Variants in KCNB2 observed in about 807,000 individuals in gnomAD.
KCNB2 encodes the protein delayed rectifier potassium channel protein.
In KCNB2, 15 loss-of-function variants were observed where a neutral mutation model predicts 61.5. The ratio of observed to expected loss-of-function variants is 0.24; its 90% CI spans 0.16 to 0.38. KCNB2 has a LOEUF of 0.38. Ranked by LOEUF, KCNB2 falls within the 10% of genes least tolerant of loss-of-function variation. The probability of loss-of-function intolerance (pLI) is 1.00; values close to 1 mark genes in which losing one functional copy is unlikely to be tolerated. For synonymous variants in KCNB2, 457 were observed against 446.0 expected, an observed-to-expected ratio of 1.02 and a Z score of -0.31; for missense variants, 828 against 1,125.2, an observed-to-expected ratio of 0.74 and a Z score of 3.78.
intron 2 of KCNB2, among the ~76,000 whole-genome samples, chr8:72,605,319 A>C (rs1454867252): frequency 6.6e-6 from 1 of 152,114 alleles, no homozygotes; most frequent in African/African-American, 2.4e-5. Flanking sequence ...TCTGGGCTAC[A>C]CTGGGGGCTC....
rs141797234 is a variant in KCNB2, at chr8:72,741,418, C to A, written c.579+173105C>A. Among the ~76,000 whole-genome samples, 328 of 152,152 alleles carry A rather than the reference C, an allele frequency of 2.2e-3. 2 individuals are homozygous for A. Among genetic ancestry groups the A allele is most frequent in the African/African-American group, 7.3e-3 (305 of 41,518 alleles). On this transcript the variant is annotated intron_variant, in intron 2 of 2. Transcript: ENST00000523207. ...TCTTATCTGTGCATATATTTCTTTT[C>A]TTATTATTATTATTTCAATAGATTT...
intron 2 of KCNB2, among the ~76,000 whole-genome samples, chr8:72,820,494 T>C (rs998339771): frequency 3.3e-5 from 5 of 152,264 alleles, no homozygotes; most frequent in African/African-American, 1.2e-4. Flanking sequence ...GCAAAACAGA[T>C]AGATAATTTG....
intron 2 of KCNB2, among the ~76,000 whole-genome samples, chr8:72,931,694 G>A (rs530388989): frequency 6.6e-6 from 1 of 152,244 alleles, no homozygotes; most frequent in African/African-American, 2.4e-5. Flanking sequence ...CTGGAGGTCA[G>A]TTGTTGGAGG....
chr8:72,619,586 C>T (rs1805682917), intron 2 of KCNB2, among the ~76,000 whole-genome samples: 1 of 151,428 alleles, frequency 6.6e-6, no homozygotes, highest in Non-Finnish European at 1.5e-5. Context: ...TCCTGGGGCT[C>T]CATAGCTGCC....
At chr8:72,573,102 T>C (rs1806739613) in intron 2 of KCNB2, among the ~76,000 whole-genome samples, 1 of 152,134 alleles carries the variant, frequency 6.6e-6, no homozygotes, top group Admixed American at 6.5e-5. Flanking sequence ...TGATAACTCC[T>C]TGAGAACTAG....
chr8:72,903,821 C>A (rs1357049891), intron 2 of KCNB2, among the ~76,000 whole-genome samples: 1 of 151,922 alleles, frequency 6.6e-6, no homozygotes, highest in Non-Finnish European at 1.5e-5. Context: ...AGGTGGATTA[C>A]CTAGGTTTTA....
At chr8:72,897,365 G>GT (rs1365284945) in intron 2 of KCNB2, among the ~76,000 whole-genome samples, 4 of 152,142 alleles carry the variant, frequency 2.6e-5, no homozygotes, top group Non-Finnish European at 5.9e-5. Context: ...TAGCAGGATA[G>GT]TAGAGAATAT....
chr8:72,580,897 C>T (rs1393995043), intron 2 of KCNB2, among the ~76,000 whole-genome samples: 2 of 152,144 alleles, frequency 1.3e-5, no homozygotes, highest in Non-Finnish European at 2.9e-5. Context: ...ATATGTCTTT[C>T]TTGTGGGCCT....
At chr8:72,849,524 G>T (rs979857313) in intron 2 of KCNB2, among the ~76,000 whole-genome samples, 2 of 152,068 alleles carry the variant, frequency 1.3e-5, no homozygotes, top group Non-Finnish European at 2.9e-5. Flanking sequence ...CATATTGTAT[G>T]AATATAAAAC....
At chr8:72,834,400 G>A (rs1809746008) in intron 2 of KCNB2, among the ~76,000 whole-genome samples, 1 of 152,182 alleles carries the variant, frequency 6.6e-6, no homozygotes, top group Non-Finnish European at 1.5e-5. Flanking sequence ...GAAGCAGACA[G>A]GGCATGAACT....
At chr8:72,748,643 A>G (rs1310378001) in intron 2 of KCNB2, among the ~76,000 whole-genome samples, 2 of 148,620 alleles carry the variant, frequency 1.3e-5, no homozygotes, top group Non-Finnish European at 3.0e-5. Flanking sequence ...AAAGCCAAAA[A>G]CCATGGAGTT....
rs73686550 is a variant in KCNB2, at chr8:72,868,057, T to G, written c.580-67878T>G. Among the ~76,000 whole-genome samples, 277 of 57,516 alleles carry G rather than the reference T, an allele frequency of 4.8e-3. 3 individuals carry two copies. Among genetic ancestry groups the G allele is most frequent in the African/African-American group, 0.01 (265 of 26,488 alleles). 37.7% of individuals were successfully genotyped at this position (57,516 alleles called of 152,430 possible). A position where few individuals can be genotyped will look rare whatever the true frequency, so the allele number is the denominator to read the frequency against. Reference sequence around the variant, plus strand: ...CAAGCCAGTGGAGGTTGATTTTGGGTTTTTTTTTTTATTATTTATTTTTTT... The same window carrying G: ...CAAGCCAGTGGAGGTTGATTTTGGGGTTTTTTTTTTATTATTTATTTTTTT... On this transcript the variant is annotated intron_variant, in intron 2 of 2. Coordinates refer to ENST00000523207, the MANE Select transcript of KCNB2 (RefSeq NM_004770.3).
At chr8:72,776,721 C>T (rs73686512) in intron 2 of KCNB2, among the ~76,000 whole-genome samples, 4,642 of 152,222 alleles carry the variant, frequency 0.03, 164 homozygotes, top group African/African-American at 0.08. Context: ...ATGACACACA[C>T]GTTCGGAGAT....
intron 2 of KCNB2, among the ~76,000 whole-genome samples, chr8:72,590,362 T>C (rs1177736957): frequency 9.2e-5 from 14 of 152,192 alleles, no homozygotes; most frequent in Admixed American, 9.2e-4. Context: ...GCCTTTTTTT[T>C]TCTTTTTAGC....
intron 2 of KCNB2, among the ~76,000 whole-genome samples, chr8:72,710,516 T>C (rs112297101): frequency 0.014 from 2,167 of 152,076 alleles, 41 homozygotes; most frequent in African/African-American, 0.05. Flanking sequence ...ATGTGTGTGT[T>C]GAGGAAGAGC....
rs146100361 is a variant in KCNB2, at chr8:72,699,886, C to T, written c.579+131573C>T. ...TATAAATCATTCTACCATAAAGACA[C>T]ATGTGCATGTATGTTTATTGCAGCA... On this transcript the variant is annotated intron_variant, in intron 2 of 2. Transcript: ENST00000523207. 2.1e-3 allele frequency among the ~76,000 whole-genome samples: 319 copies of T among 152,272 alleles called. 3 individuals carry two copies. Among genetic ancestry groups the T allele is most frequent in the African/African-American group, 7.2e-3 (300 of 41,554 alleles).
intron 2 of KCNB2, among the ~76,000 whole-genome samples, chr8:72,811,557 T>A (rs940655565): frequency 4.6e-5 from 7 of 152,362 alleles, no homozygotes; most frequent in Middle Eastern, 3.4e-3. Context: ...GACTATTGAT[T>A]TCTATTAATT....
At chr8:72,700,422 C>T in intron 2 of KCNB2, among the ~76,000 whole-genome samples, 1 of 152,042 alleles carries the variant, frequency 6.6e-6, no homozygotes, top group South Asian at 2.1e-4. Flanking sequence ...ACACTTCTTA[C>T]AAGAAGACAG....
At chr8:72,740,264 A>T (rs557219514) in intron 2 of KCNB2, among the ~76,000 whole-genome samples, 2 of 152,290 alleles carry the variant, frequency 1.3e-5, no homozygotes, top group Admixed American at 1.3e-4. Context: ...CTGACCCAGA[A>T]GAGAAAATGA....
Sources: gnomAD v4.1 joint callset for allele counts (sites outside exome capture counted in the v4.1 genomes callset) on GRCh38, gnomAD v4.1.1 for gene constraint, MANE v1.5 for transcripts, NCBI Gene and HGNC (gene_info 2026-07-23, HGNC 2026-07-21) for gene names.